KLHL13: variants seen among roughly 807,000 people sequenced by gnomAD.
The protein encoded by KLHL13 is kelch-like protein 13.
Under a neutral mutation model 37.1 loss-of-function variants are expected in KLHL13, and 10 were observed. The ratio of observed to expected loss-of-function variants is 0.27; its 90% confidence interval spans 0.17 to 0.46. The LOEUF (loss-of-function observed/expected upper bound fraction) is 0.46. Among genes scored for constraint, KLHL13 ranks in the 20% least tolerant of loss-of-function variants. KLHL13 has a pLI of 1.00. For missense variants in KLHL13, 360 were observed against 509.3 expected (o/e 0.71, Z 2.82); for synonymous variants, 163 against 181.2 (o/e 0.90, Z 0.81).
intron 1 of KLHL13, among the ~76,000 whole-genome samples, chrX:118,093,832 C>G (rs2055168003): frequency 9.2e-6 from 1 of 109,147 alleles, no homozygotes; most frequent in Non-Finnish European, 1.9e-5. Flanking sequence ...TAAAGTTTAG[C>G]AGATGTTCCA....
At chrX:118,050,001 T>C (rs978810046) in intron 1 of KLHL13, among the ~76,000 whole-genome samples, 1 of 112,694 alleles carries the variant, frequency 8.9e-6, no homozygotes, top group African/African-American at 3.2e-5. Context: ...GTATACACCA[T>C]ACACCATGCA....
At chrX:117,927,363 C>A (rs907566259) in intron 2 of KLHL13, among the ~76,000 whole-genome samples, 5 of 111,854 alleles carry the variant, frequency 4.5e-5, no homozygotes, top group Non-Finnish European at 9.4e-5. Flanking sequence ...GTGGCAGATG[C>A]CTAAAACCCT....
chrX:118,042,453 G>A (rs753865125), intron 1 of KLHL13, among the ~76,000 whole-genome samples: 16 of 111,321 alleles, frequency 1.4e-4, no homozygotes, highest in Non-Finnish European at 2.5e-4. Context: ...TCATATGTTG[G>A]GCCACAAAAC....
intron 1 of KLHL13, chrX:117,972,668 T>C (rs1338000061): frequency 9.8e-6 from 10 of 1,019,540 alleles, no homozygotes; most frequent in Non-Finnish European, 1.4e-5. Context: ...CCCGCCCCCA[T>C]TTTGCCACAA....
At chrX:117,908,187 T>C (rs974804342) in intron 5 of KLHL13, among the ~76,000 whole-genome samples, 5 of 108,776 alleles carry the variant, frequency 4.6e-5, no homozygotes, top group African/African-American at 1.3e-4. Context: ...TGGCTTTCTT[T>C]CTTTCTTTCT....
intron 1 of KLHL13, among the ~76,000 whole-genome samples, chrX:117,996,231 T>C (rs2053852191): frequency 1.8e-5 from 2 of 112,218 alleles, no homozygotes; most frequent in African/African-American, 6.5e-5. Flanking sequence ...TCAAATACTT[T>C]CATCAAATTT....
At chrX:117,989,375 C>A (rs957646101) in intron 1 of KLHL13, among the ~76,000 whole-genome samples, 9 of 109,419 alleles carry the variant, frequency 8.2e-5, no homozygotes, top group Non-Finnish European at 1.5e-4. Context: ...TCTCCTGATA[C>A]CTAATTTGGT....
intron 1 of KLHL13, among the ~76,000 whole-genome samples, chrX:118,108,050 G>A (rs190026328): frequency 6.7e-4 from 75 of 111,891 alleles, no homozygotes; most frequent in African/African-American, 2.3e-3. Context: ...ATGAGACCCT[G>A]TCTTAAAAGA....
At chrX:118,015,086 G>A (rs1451117544) in intron 1 of KLHL13, among the ~76,000 whole-genome samples, 3 of 111,447 alleles carry the variant, frequency 2.7e-5, no homozygotes, top group Admixed American at 9.6e-5. Flanking sequence ...TTTTACAGAT[G>A]AGGAAATGGA....
chrX:118,036,324 T>C (rs372152324), intron 1 of KLHL13, among the ~76,000 whole-genome samples: 14 of 112,172 alleles, frequency 1.2e-4, no homozygotes, highest in African/African-American at 4.5e-4. Context: ...GGAGGCATCA[T>C]GCTACCTGAC....
chrX:118,116,487 G>A (rs2055471029), intron 1 of KLHL13, 21 bp downstream of exon 1: 2 of 112,998 alleles, frequency 1.8e-5, no homozygotes, highest in South Asian at 7.2e-4. Flanking sequence ...GAGCCCCTGT[G>A]ACTTCAGGAC....
intron 1 of KLHL13, among the ~76,000 whole-genome samples, chrX:117,961,836 C>G: frequency 9.0e-6 from 1 of 110,572 alleles, no homozygotes. Context: ...CAGATTCTCC[C>G]CTAGAGCCTC....
At chrX:117,924,252 C>T (rs1031580958) in intron 2 of KLHL13, among the ~76,000 whole-genome samples, 1 of 112,102 alleles carries the variant, frequency 8.9e-6, no homozygotes, top group Non-Finnish European at 1.9e-5. Context: ...CTCCTTCTGA[C>T]TATACACATT....
At chrX:118,038,431 C>T (rs2054473470) in intron 1 of KLHL13, among the ~76,000 whole-genome samples, 1 of 111,901 alleles carries the variant, frequency 8.9e-6, no homozygotes, top group South Asian at 3.8e-4. Context: ...TAATCGCCTA[C>T]ATCACCACCC....
At chrX:118,113,458 T>A (rs2055434948) in intron 1 of KLHL13, among the ~76,000 whole-genome samples, 1 of 112,550 alleles carries the variant, frequency 8.9e-6, no homozygotes, top group East Asian at 2.8e-4. Context: ...GAGCTGCTTC[T>A]AGGCTCTGTA....
At chrX:118,082,428 G>A (rs772808802) in intron 1 of KLHL13, among the ~76,000 whole-genome samples, 44 of 110,762 alleles carry the variant, frequency 4.0e-4, no homozygotes, top group Non-Finnish European at 7.2e-4. Context: ...CAGCTCTTCC[G>A]CTCTTTTGCC....
At chrX:118,109,156 C>T (rs1450702515) in intron 1 of KLHL13, among the ~76,000 whole-genome samples, 2 of 111,384 alleles carry the variant, frequency 1.8e-5, no homozygotes, top group Admixed American at 9.5e-5. Context: ...CTAGGCAGGT[C>T]CTTCATAGTC....
intron 1 of KLHL13, among the ~76,000 whole-genome samples, chrX:117,963,835 A>G (rs958427877): frequency 9.3e-6 from 1 of 107,187 alleles, no homozygotes; most frequent in Non-Finnish European, 1.9e-5. Context: ...TGAGCATTAC[A>G]TATACACCAT....
At chrX:117,909,384 T>C (rs2147640092) in exon 5 of KLHL13, 1 of 1,209,686 alleles carries the variant, frequency 8.3e-7, no homozygotes, top group Admixed American at 2.2e-5. Context: ...GCGCTTTTCA[T>C]TTAAAGATGC....
Sources: gnomAD v4.1 joint callset for allele counts (sites outside exome capture counted in the v4.1 genomes callset) on GRCh38, gnomAD v4.1.1 for gene constraint, MANE v1.5 for transcripts, NCBI Gene and HGNC (gene_info 2026-07-23, HGNC 2026-07-21) for gene names.